Variants in MARK2 observed in about 807,000 individuals in gnomAD.
The protein encoded by MARK2 is serine/threonine-protein kinase MARK2.
A neutral mutation model predicts 89.8 loss-of-function variants in MARK2; 16 were observed. The observed-to-expected ratio is 0.18, with a 90% CI of 0.12 to 0.27. The LOEUF (loss-of-function observed/expected upper bound fraction) is 0.27. Ranked by LOEUF, MARK2 falls within the 10% of genes least tolerant of loss-of-function variation. The pLI is 1.00. For missense variants in MARK2, 621 were observed against 1,049.9 expected (o/e 0.59, Z 5.65); for synonymous variants, 382 against 399.5 (o/e 0.96, Z 0.52).
rs753443830 is a variant in MARK2, at chr11:63,909,059, A to G, written c.2189A>G (p.Lys730Arg). The change falls in exon 19 of 19, where the codon AAG becomes AGG. Residue 730 changes from lysine (K) to arginine (R), a missense_variant. Physicochemically the swap from Lys to Arg is conservative, Grantham distance 26. Around this residue, in one of 5 missense-constraint regions of MARK2, gnomAD observed 49 missense variants for 46.7 expected, o/e 1.05. Transcript: ENST00000402010. ...ANSCQSELHE[K>R]YMLLCMHGTP... ...AGCTGCCAGAGCGAGCTGCATGAGA[A>G]GTACATGCTGCTGTGCATGCACGGC... The G allele has an allele frequency of 3.7e-6, 6 of 1,607,432 alleles. 1 individual carries two copies. In the South Asian group the frequency reaches 5.5e-5, roughly 15 times the overall value.
In MARK2 at chr11:63,902,871, C is replaced by G. The variant is rs1941013945; in HGVS notation, c.1416+89C>G. On this transcript the variant is annotated intron_variant, in intron 13 of 18. Coordinates refer to ENST00000402010, the MANE Select transcript of MARK2 (RefSeq NM_001039469.3). This position sits in a 1 kb window ranked among gnomAD's most constrained non-coding sequence, Gnocchi z 4.2. Reference sequence around the variant, plus strand: ...CTTCTCTTAATTCAGACTCTGTTCCCTTTGGCTACTACTTCTGCTTATAGC... The same window carrying G: ...CTTCTCTTAATTCAGACTCTGTTCCGTTTGGCTACTACTTCTGCTTATAGC... 8.3e-7 allele frequency: 1 copy of G among 1,207,072 alleles called. No homozygotes were observed. Among genetic ancestry groups the G allele is most frequent in the Non-Finnish European group, 1.2e-6 (1 of 835,166 alleles). The allele number at this position is 1,207,072 out of a possible 1,614,324, so 74.8% of individuals were successfully genotyped here.
chr11:63,866,657 G>T (rs568879014), intron 1 of MARK2, among the ~76,000 whole-genome samples: 1 of 152,154 alleles, frequency 6.6e-6, no homozygotes. Context: ...ACTATCTACT[G>T]TACAGGAAAG....
chr11:63,907,193 A>G (rs1294147455), intron 17 of MARK2, among the ~76,000 whole-genome samples: 1 of 152,196 alleles, frequency 6.6e-6, no homozygotes, highest in Non-Finnish European at 1.5e-5. Flanking sequence ...TTGGTGCCAC[A>G]GCTGATGGAG....
Position 63,903,233 on chromosome 11 carries a change from GTC to G in MARK2, c.1514+78_1514+79del. The stretch of plus-strand genomic sequence containing the variant: ...CAGGGTGATGTCTGTCAGCAGCACC[GTC>G]TCCTGTCCCTGCCAGCGCATTGCTC... On this transcript the variant is annotated intron_variant, in intron 14 of 18. Coordinates refer to ENST00000402010, the MANE Select transcript of MARK2 (RefSeq NM_001039469.3). This position sits in a 1 kb window ranked among gnomAD's most constrained non-coding sequence, Gnocchi z 5.1. 1 of 1,150,754 alleles carries G rather than the reference GTC, an allele frequency of 8.7e-7. No homozygotes were observed. The highest frequency in any genetic ancestry group is 1.2e-5 in the South Asian group (1 of 81,266). The allele number at this position is 1,150,754 out of a possible 1,614,324, so 71.3% of individuals were successfully genotyped here.
rs1941645697 is a variant in MARK2 at position 63,909,956 on chromosome 11, CCCT to C, written c.*725_*727del. 6.6e-6 allele frequency: 1 copy of C among 152,602 alleles called. No individual in the cohort carries two copies. The highest frequency in any genetic ancestry group is 2.4e-5 in the African/African-American group (1 of 41,454). 9.5% of individuals were successfully genotyped at this position (152,602 alleles called of 1,614,324 possible). On this transcript the variant is annotated 3_prime_UTR_variant, in exon 19 of 19. Transcript: ENST00000402010. ...CCTCCCTCCACACTGTACCCTCTGC[CCCT>C]CCTCCCCAGAGCTGGGCATTTCCTT...
chr11:63,900,006 C>G lies in MARK2; in HGVS notation c.664C>G (p.Gln222Glu). ...CCCTTATGCTGCCCCAGAACTCTTC[C>G]AGGGCAAAAAATATGATGGACCCGA... is the stretch of plus-strand genomic sequence containing the variant. ...SPPYAAPELF[Q>E]GKKYDGPEVD... Residue 222 changes from glutamine to glutamate, a missense_variant, in exon 8 of 19, where the codon CAG (glutamine) becomes GAG (glutamate). Physicochemically the swap from Gln to Glu is conservative, Grantham distance 29. This residue lies in a region of MARK2 where 82 missense variants were observed against 287.7 expected (regional missense o/e 0.29). Transcript: ENST00000402010. The surrounding 1 kb of genome is among the most constrained non-coding windows in gnomAD (Gnocchi z 4.7). 1 of 1,614,072 alleles carries G rather than the reference C, an allele frequency of 6.2e-7. No individual in the cohort carries two copies. The highest frequency in any genetic ancestry group is 8.5e-7 in the Non-Finnish European group (1 of 1,179,956).
chr11:63,846,765 C>G (rs2016303542), intron 1 of MARK2, among the ~76,000 whole-genome samples: 2 of 151,784 alleles, frequency 1.3e-5, no homozygotes, highest in Non-Finnish European at 2.9e-5. Context: ...ACGCCATTCT[C>G]CTGCCTCAGC....
chr11:63,850,372 T>G (rs566167444), intron 1 of MARK2, among the ~76,000 whole-genome samples: 30 of 147,792 alleles, frequency 2.0e-4, no homozygotes, highest in East Asian at 7.9e-4. Flanking sequence ...TTTCACCATG[T>G]TGACCAGGCT....
At position 63,839,265 on chromosome 11, in the gene MARK2, C is replaced by T. The variant is rs2015879607; in HGVS notation, c.-242C>T. The T allele has an allele frequency of 3.5e-6, 1 of 284,526 alleles. No homozygotes were observed. The highest frequency in any genetic ancestry group is 6.5e-6 in the Non-Finnish European group (1 of 154,628). The allele number at this position is 284,526 out of a possible 1,614,324, so 17.6% of individuals were successfully genotyped here. ...GGAGCGGCGCGGCCCGGCCGAAAGGCGGCACAGCCCAGCCGGGGGTCGGGG... is the reference window on the plus strand; with the variant it reads ...GGAGCGGCGCGGCCCGGCCGAAAGGTGGCACAGCCCAGCCGGGGGTCGGGG... On this transcript the variant is annotated 5_prime_UTR_variant, in exon 1 of 19. Transcript: ENST00000402010.
chr11:63,873,803 G>A (rs1368691591), intron 1 of MARK2, among the ~76,000 whole-genome samples: 2 of 152,074 alleles, frequency 1.3e-5, no homozygotes, highest in South Asian at 2.1e-4. Flanking sequence ...GCGCCACCAC[G>A]CCCAGCTAAT....
At chr11:63,866,642 A>G (rs1293062665) in intron 1 of MARK2, among the ~76,000 whole-genome samples, 1 of 152,348 alleles carries the variant, frequency 6.6e-6, no homozygotes, top group East Asian at 1.9e-4. Context: ...TTGTGTAGCT[A>G]ATCCACTATC....
At chr11:63,855,301 T>C (rs2016783365) in intron 1 of MARK2, among the ~76,000 whole-genome samples, 1 of 152,112 alleles carries the variant, frequency 6.6e-6, no homozygotes, top group African/African-American at 2.4e-5. Context: ...GGAGGATCGC[T>C]TGAGGTCAGA....
At chr11:63,867,992 T>C (rs1158129585) in intron 1 of MARK2, among the ~76,000 whole-genome samples, 2 of 152,252 alleles carry the variant, frequency 1.3e-5, no homozygotes, top group Admixed American at 6.5e-5. Flanking sequence ...AAGGCTGGAC[T>C]GTATCTTATC....
At chr11:63,877,424 T>G (rs1478473179) in intron 1 of MARK2, among the ~76,000 whole-genome samples, 3 of 152,100 alleles carry the variant, frequency 2.0e-5, no homozygotes, top group African/African-American at 7.2e-5. Flanking sequence ...ACTCTTTTCA[T>G]AGGATGCTGA....
At chr11:63,908,391 C>T (rs1941520813) in intron 18 of MARK2, 87 bp downstream of exon 18, 7 of 1,142,872 alleles carry the variant, frequency 6.1e-6, no homozygotes, top group Admixed American at 2.0e-5. Flanking sequence ...TGCCACTTGG[C>T]TCTTCCTCCC....
chr11:63,878,359 C>CTTTTTTTTTTTTTTTTTTTTTTTTTTTTT (rs59251368), intron 1 of MARK2, among the ~76,000 whole-genome samples: 1 of 72,712 alleles, frequency 1.4e-5, no homozygotes. Context: ...TTGTTCAAGT[C>CTTTTTTTTTTTTTTTTTTTTTTTTTTTTT]TTTTTTTTTT....
intron 1 of MARK2, among the ~76,000 whole-genome samples, chr11:63,844,880 C>T (rs994486187): frequency 6.6e-6 from 1 of 152,244 alleles, no homozygotes; most frequent in Admixed American, 6.5e-5. Context: ...TGGCATTTCT[C>T]TTCTCCCAGG....
At chr11:63,840,575 T>C (rs3850942) in intron 1 of MARK2, among the ~76,000 whole-genome samples, 14,053 of 152,242 alleles carry the variant, frequency 0.092, 892 homozygotes, top group South Asian at 0.22. Context: ...TTTCTGTGTC[T>C]TCACTCCCGT....
chr11:63,901,003 G>A lies in MARK2; in HGVS notation c.1035G>A (p.Ser345=). Residue 345 remains serine (S), a synonymous_variant, in exon 11 of 19, where the codon TCG becomes TCA. Transcript: ENST00000402010. ...ATACACGGGAAGAGATCCAGGACTC[G>A]CTGGTGGGCCAGAGATACAACGAGG... The part of the protein sequence containing the change: ...MGYTREEIQD[S]LVGQRYNEVM... 6 of 1,614,178 alleles carry A rather than the reference G, an allele frequency of 3.7e-6. No individual in the cohort carries two copies. The highest frequency in any genetic ancestry group is 5.1e-6 in the Non-Finnish European group (6 of 1,180,028).
Sources: allele counts gnomAD v4.1 joint callset (sites outside exome capture counted in the v4.1 genomes callset), GRCh38; gene constraint gnomAD v4.1.1; regional missense constraint gnomAD v4.1.1; non-coding constraint Gnocchi (gnomAD v3.1); transcripts MANE v1.5; gene names NCBI Gene and HGNC (gene_info 2026-07-23, HGNC 2026-07-21).